Variants in ZNF839 observed in about 807,000 individuals in gnomAD.
ZNF839 encodes renal carcinoma antigen NY-REN-50.
Under a neutral mutation model 56.4 loss-of-function variants are expected in ZNF839, and 38 were observed. That is an observed-to-expected ratio of 0.67 (90% CI 0.52 to 0.88). The LOEUF is 0.88. Among genes scored for constraint, ZNF839 ranks in the 40% least tolerant of loss-of-function variants. The pLI, the probability that ZNF839 is intolerant of heterozygous loss-of-function variation, is 0.00. For missense variants in ZNF839, 1,091 were observed against 1,177.6 expected (o/e 0.93, Z 1.08); for synonymous variants, 486 against 493.5 (o/e 0.98, Z 0.20).
At chr14:102,325,372 T>A (rs1008015043) in intron 1 of ZNF839, among the ~76,000 whole-genome samples, 1 of 151,550 alleles carries the variant, frequency 6.6e-6, no homozygotes, top group Non-Finnish European at 1.5e-5. Context: ...GTAGAATAGA[T>A]ACAATCAGCG....
At chr14:102,328,372 AAAAATATATATATAT>A (rs1177093337) in intron 2 of ZNF839, among the ~76,000 whole-genome samples, 33 of 44,494 alleles carry the variant, frequency 7.4e-4, no homozygotes, top group Non-Finnish European at 9.1e-4. Context: ...AAAAAAAAAA[AAAAATATATATATAT>A]ATATATATAT....
chr14:102,339,375 C>G (rs1886231049), intron 7 of ZNF839, 152 bp downstream of exon 7: 8 of 1,121,350 alleles, frequency 7.1e-6, no homozygotes, highest in Non-Finnish European at 1.0e-5. Flanking sequence ...TTCCAGCCTC[C>G]CAGTGTTCTG....
In ZNF839 at chr14:102,339,182, G is replaced by A; in HGVS notation, c.1886G>A (p.Arg629Lys). The A allele has an allele frequency of 6.2e-7, 1 of 1,612,422 alleles. No homozygotes were observed. Among genetic ancestry groups the A allele is most frequent in the Non-Finnish European group, 8.5e-7 (1 of 1,179,178 alleles). ...ACTGAATCTCTTGCTGCCAACAGCA[G>A]AGGCCGGGAGAAGCCCAGGCCCTTG... ...DTTESLAANS[R>K]GREKPRPLHA... The change falls in exon 7 of 8, where the codon AGA becomes AAA. Residue 629 changes from arginine to lysine, a missense_variant. Coordinates refer to ENST00000442396, the MANE Select transcript of ZNF839 (RefSeq NM_018335.6).
chr14:102,334,713 AT>A, intron 4 of ZNF839, 67 bp downstream of exon 4: 1 of 845,288 alleles, frequency 1.2e-6, no homozygotes, highest in Non-Finnish European at 1.7e-6. Context: ...TAATATTATT[AT>A]TTATTAATTA....
chr14:102,318,470 T>C (rs1268496117), upstream of ZNF839, among the ~76,000 whole-genome samples: 23 of 151,918 alleles, frequency 1.5e-4, 1 homozygote, highest in Admixed American at 1.4e-3. Context: ...CCGTCTCTAC[T>C]AAAAATACAA....
At chr14:102,318,947 C>G (rs532699344), upstream of ZNF839, among the ~76,000 whole-genome samples, 1 of 152,282 alleles carries the variant, frequency 6.6e-6, no homozygotes, top group Admixed American at 6.5e-5. Context: ...GTTTGTGGAC[C>G]AGTGGACCTC....
chr14:102,324,715 G>A (rs2073315690), intron 1 of ZNF839, among the ~76,000 whole-genome samples: 1 of 151,508 alleles, frequency 6.6e-6, no homozygotes. Context: ...CCAGCCGGGT[G>A]TGGTGAGGCA....
chr14:102,335,350 A>G (rs1597728157), intron 4 of ZNF839: 1 of 232,456 alleles, frequency 4.3e-6, no homozygotes, highest in Non-Finnish European at 8.4e-6. Flanking sequence ...GCTGCAGCCC[A>G]GGCTGCCTGT....
intron 2 of ZNF839, among the ~76,000 whole-genome samples, chr14:102,329,031 G>A (rs7154444): frequency 0.084 from 12,610 of 150,646 alleles, 751 homozygotes; most frequent in African/African-American, 0.17. Context: ...GTGCAGTGGC[G>A]CGATCTCAGT....
intron 5 of ZNF839, 26 bp downstream of exon 5, chr14:102,335,864 G>A: frequency 1.2e-6 from 2 of 1,606,618 alleles, no homozygotes; most frequent in Admixed American, 3.4e-5. Context: ...GGCAGAAAGA[G>A]TTTTGCTCAT....
chr14:102,337,731 G>A (rs1357369173), intron 5 of ZNF839: 1 of 152,120 alleles, frequency 6.6e-6, no homozygotes, highest in Non-Finnish European at 1.5e-5. Flanking sequence ...ATCCAGGTTG[G>A]TCCGCGCAGA....
Position 102,326,404 on chromosome 14 carries a change from T to C in ZNF839, c.708T>C (p.His236=), listed in dbSNP as rs2073411988. Reference sequence around the variant, plus strand: ...TTATTTCCAACTTGCATACAAGACATACTGAGAAACTAAAAAAATCGTTAA... The same window carrying C: ...TTATTTCCAACTTGCATACAAGACACACTGAGAAACTAAAAAAATCGTTAA... ...HPFISNLHTR[H]TEKLKKSLKV... The change falls in exon 2 of 8, where the codon CAT becomes CAC. Residue 236 remains histidine (H), a synonymous_variant. Transcript: ENST00000442396. This position sits in a 1 kb window ranked among gnomAD's most constrained non-coding sequence, Gnocchi z 4.3. The C allele has an allele frequency of 2.5e-6, 4 of 1,613,228 alleles. No homozygotes were observed. The African/African-American group carries it at 4.0e-5, about 16-fold the overall frequency.
chr14:102,342,011 T>C lies in ZNF839; in HGVS notation c.2616T>C (p.Phe872=). 6.2e-7 allele frequency: 1 copy of C among 1,613,998 alleles called. No homozygotes were observed. Among genetic ancestry groups the C allele is most frequent in the Non-Finnish European group, 8.5e-7 (1 of 1,179,856 alleles). ...TTGCTGTCGGCGAAGCCATGGCTTT[T>C]GAAATTTCCAATGGGAGCCATGAGT... is the stretch of plus-strand genomic sequence containing the variant. The part of the protein sequence containing the change: ...SVVAVGEAMA[F]EISNGSHELL... Residue 872 remains phenylalanine (F), a synonymous_variant, in exon 8 of 8, where the codon TTT becomes TTC. Coordinates refer to ENST00000442396, the MANE Select transcript of ZNF839 (RefSeq NM_018335.6).
chr14:102,327,701 T>TA (rs2139496221), intron 2 of ZNF839, among the ~76,000 whole-genome samples: 1 of 152,298 alleles, frequency 6.6e-6, no homozygotes, highest in African/African-American at 2.4e-5. Context: ...GCGAAGGCTG[T>TA]AGCGGGACCA....
intron 1 of ZNF839, among the ~76,000 whole-genome samples, chr14:102,321,529 C>T (rs771193652): frequency 2.6e-5 from 4 of 152,198 alleles, no homozygotes; most frequent in Non-Finnish European, 5.9e-5. Flanking sequence ...GATATAAATT[C>T]TACCTGCAAT....
Position 102,335,912 on chromosome 14 carries a change from C to T in ZNF839, c.1659+74C>T, listed in dbSNP as rs528783973. The T allele has an allele frequency of 1.8e-4, 272 of 1,541,100 alleles. No individual in the cohort carries two copies. The African/African-American group carries it at 3.4e-3, about 19-fold the overall frequency. Reference sequence around the variant, plus strand: ...AAGAAAGAAGGGCCACGTGCAGTGGCTTATGCTTGTAGTCCCAGTGCTTTG... The same window carrying T: ...AAGAAAGAAGGGCCACGTGCAGTGGTTTATGCTTGTAGTCCCAGTGCTTTG... On this transcript the variant is annotated intron_variant, in intron 5 of 7. Transcript: ENST00000442396.
chr14:102,339,590 C>CA (rs894154881), intron 7 of ZNF839, among the ~76,000 whole-genome samples: 5 of 151,864 alleles, frequency 3.3e-5, no homozygotes, highest in Non-Finnish European at 5.9e-5. Context: ...ACTAAAAATA[C>CA]AAAAAAAACT....
chr14:102,319,982 G>A lies in ZNF839; in HGVS notation c.217G>A (p.Ala73Thr). Residue 73 changes from alanine to threonine, a missense_variant, in exon 1 of 8, where the codon GCC becomes ACC. By Grantham distance (58) the Ala-to-Thr change is moderately conservative. Around this residue, in one of 3 missense-constraint regions of ZNF839, gnomAD observed 614 missense variants for 629.2 expected, o/e 0.98. Transcript: ENST00000442396. The surrounding 1 kb of genome is among the most constrained non-coding windows in gnomAD (Gnocchi z 4.5). ...CGCGGCGCGGCGGCTGCGGGACGCGGCCCAACAGGCCGCCCTGCAGCGGGG... is the reference window on the plus strand; with the variant it reads ...CGCGGCGCGGCGGCTGCGGGACGCGACCCAACAGGCCGCCCTGCAGCGGGG... ...RDAARRLRDAAQQAALQRGRG... is the reference protein window; with the variant it reads ...RDAARRLRDATQQAALQRGRG... 8.5e-7 allele frequency: 1 copy of A among 1,173,242 alleles called. No homozygotes were observed. Among genetic ancestry groups the A allele is most frequent in the South Asian group, 4.2e-5 (1 of 23,878 alleles). 72.7% of individuals were successfully genotyped at this position (1,173,242 alleles called of 1,614,324 possible).
intron 5 of ZNF839, chr14:102,336,723 T>C: frequency 2.8e-6 from 1 of 355,564 alleles, no homozygotes; most frequent in African/African-American, 2.2e-5. Flanking sequence ...ACCTCAGGTA[T>C]CATTTTCTTC....
Sources: allele counts gnomAD v4.1 joint callset (sites outside exome capture counted in the v4.1 genomes callset), GRCh38; gene constraint gnomAD v4.1.1; regional missense constraint gnomAD v4.1.1; non-coding constraint Gnocchi (gnomAD v3.1); transcripts MANE v1.5; gene names NCBI Gene and HGNC (gene_info 2026-07-23, HGNC 2026-07-21).